PTPRD: variants seen among roughly 807,000 people sequenced by gnomAD.
The protein encoded by PTPRD is protein tyrosine phosphatase receptor type D, also known as receptor-type tyrosine-protein phosphatase delta.
Under a neutral mutation model 214.5 loss-of-function variants are expected in PTPRD, and 34 were observed. The ratio of observed to expected loss-of-function variants is 0.16; its 90% CI spans 0.12 to 0.21. The LOEUF (loss-of-function observed/expected upper bound fraction) is 0.21. PTPRD is among the 10% of genes least tolerant of loss of function. The pLI, the probability that PTPRD is intolerant of heterozygous loss-of-function variation, is 1.00. For synonymous variants in PTPRD, 1,128 were observed against 845.7 expected (o/e 1.33, Z -5.79); for missense variants, 2,545 against 2,398.7 (o/e 1.06, Z -1.27).
intron 14 of PTPRD, among the ~76,000 whole-genome samples, chr9:8,558,972 T>C (rs942176495): frequency 6.6e-6 from 1 of 152,202 alleles, no homozygotes; most frequent in African/African-American, 2.4e-5. Flanking sequence ...AATAATAATA[T>C]TCACAAGAAG....
chr9:8,905,121 T>C (rs2098698614), intron 11 of PTPRD, among the ~76,000 whole-genome samples: 2 of 152,196 alleles, frequency 1.3e-5, no homozygotes, highest in African/African-American at 4.8e-5. Context: ...CAGTCATCTC[T>C]GATTGGGTGG....
intron 6 of PTPRD, among the ~76,000 whole-genome samples, chr9:9,744,119 T>C (rs2098435596): frequency 2.0e-5 from 3 of 152,154 alleles, no homozygotes. Flanking sequence ...ACCACCATTT[T>C]CGATAGGAAT....
chr9:9,277,166 G>C (rs1234394281), intron 9 of PTPRD, among the ~76,000 whole-genome samples: 1 of 151,194 alleles, frequency 6.6e-6, no homozygotes, highest in Non-Finnish European at 1.5e-5. Context: ...ACAATGCCAG[G>C]CTTAAAATAA....
At chr9:9,372,909 C>G (rs941018096) in intron 9 of PTPRD, among the ~76,000 whole-genome samples, 1 of 152,012 alleles carries the variant, frequency 6.6e-6, no homozygotes, top group Non-Finnish European at 1.5e-5. Flanking sequence ...AGTGGAATCA[C>G]TTGGTCAAAG....
chr9:8,633,407 G>T lies in PTPRD; in HGVS notation c.262C>A (p.Arg88=). 6.2e-7 allele frequency: 1 copy of T among 1,612,650 alleles called. No individual in the cohort carries two copies. The highest frequency in any genetic ancestry group is 8.5e-7 in the Non-Finnish European group (1 of 1,179,082). ...TAAATGGCCTCATCCCTCGGAGTCCGTAAGGGTTGTATTCTGAGAACTGAT... is the reference window on the plus strand; with the variant it reads ...TAAATGGCCTCATCCCTCGGAGTCCTTAAGGGTTGTATTCTGAGAACTGAT... ...SGSVLRIQPL[R]TPRDEAIYEC... Residue 88 remains arginine (R), a synonymous_variant, in exon 14 of 46, where the codon CGG becomes AGG. Coordinates refer to ENST00000381196, the MANE Select transcript of PTPRD (RefSeq NM_002839.4).
intron 8 of PTPRD, among the ~76,000 whole-genome samples, chr9:9,415,466 C>A (rs778635114): frequency 2.0e-5 from 3 of 151,842 alleles, no homozygotes; most frequent in Non-Finnish European, 2.9e-5. Context: ...AGAGCAAGAC[C>A]CTGTCTCAAA....
intron 7 of PTPRD, among the ~76,000 whole-genome samples, chr9:9,733,863 G>C (rs374772167): frequency 4.8e-4 from 73 of 152,122 alleles, no homozygotes; most frequent in African/African-American, 1.7e-3. Context: ...GTGATAGTGA[G>C]CAATATTTCA....
intron 7 of PTPRD, among the ~76,000 whole-genome samples, chr9:9,730,473 G>T (rs6477416): frequency 1.3e-5 from 2 of 152,018 alleles, no homozygotes; most frequent in African/African-American, 4.8e-5. Flanking sequence ...AAATTGGGGC[G>T]TAGGCTGTGG....
rs548309589 is a variant in PTPRD, at chr9:10,208,301, T to C, written c.-545+132662A>G. Among the ~76,000 whole-genome samples, 9 of 152,234 alleles carry C rather than the reference T, an allele frequency of 5.9e-5. No individual in the cohort carries two copies. In the South Asian group the frequency reaches 1.7e-3, roughly 28 times the overall value. On this transcript the variant is annotated intron_variant, in intron 3 of 45. Transcript: ENST00000381196. ...TGGCCGAGGAGGGCGGATCACGAGG[T>C]CAGGAGATCGACGCCATCCTGGCTA...
intron 2 of PTPRD, among the ~76,000 whole-genome samples, chr9:10,568,406 G>A (rs1325190480): frequency 1.3e-5 from 2 of 151,968 alleles, no homozygotes; most frequent in Admixed American, 6.6e-5. Flanking sequence ...TTGCTATTGT[G>A]AATAGTGCCG....
intron 7 of PTPRD, among the ~76,000 whole-genome samples, chr9:9,734,295 A>T (rs1017402822): frequency 3.9e-5 from 6 of 152,112 alleles, no homozygotes; most frequent in Non-Finnish European, 5.9e-5. Flanking sequence ...CTCTGTTTGG[A>T]ATGTTCTTCT....
chr9:8,751,026 T>C (rs916778590), intron 11 of PTPRD, among the ~76,000 whole-genome samples: 3 of 152,216 alleles, frequency 2.0e-5, no homozygotes, highest in Non-Finnish European at 2.9e-5. Flanking sequence ...GTGAAGTCTT[T>C]TGACCCTTTA....
rs149146143 is a variant in PTPRD at position 8,911,738 on chromosome 9, C to A, written c.-104+106959G>T. On this transcript the variant is annotated intron_variant, in intron 11 of 45. Coordinates refer to ENST00000381196, the MANE Select transcript of PTPRD (RefSeq NM_002839.4). ...GGCATTAAGAAAGTGAAAAATGACC[C>A]ACAAATGAAGAAAATATTTGCAAAT... Among the ~76,000 whole-genome samples the A allele has an allele frequency of 8.2e-3, 1,239 of 151,748 alleles. 6 individuals are homozygous for A. Among genetic ancestry groups the A allele is most frequent in the Non-Finnish European group, 0.014 (950 of 67,908 alleles).
At chr9:9,832,476 A>G (rs967270152) in intron 5 of PTPRD, among the ~76,000 whole-genome samples, 2 of 151,996 alleles carry the variant, frequency 1.3e-5, no homozygotes, top group East Asian at 3.9e-4. Context: ...ACAGAACTCT[A>G]ATTATTTTCA....
intron 3 of PTPRD, among the ~76,000 whole-genome samples, chr9:10,144,731 C>T (rs1310719774): frequency 6.6e-6 from 1 of 152,024 alleles, no homozygotes; most frequent in East Asian, 1.9e-4. Context: ...GCTAAGGAGC[C>T]TCTATATGGC....
chr9:9,175,108 C>A (rs1343908072), intron 10 of PTPRD, among the ~76,000 whole-genome samples: 1 of 152,108 alleles, frequency 6.6e-6, no homozygotes, highest in Non-Finnish European at 1.5e-5. Context: ...TGGTCTTAGA[C>A]TTTCAGCCTC....
At chr9:8,712,654 T>G (rs1383705238) in intron 12 of PTPRD, among the ~76,000 whole-genome samples, 1 of 151,774 alleles carries the variant, frequency 6.6e-6, no homozygotes, top group African/African-American at 2.4e-5. Context: ...ATCTCCTACA[T>G]ATTCTACTGT....
intron 7 of PTPRD, among the ~76,000 whole-genome samples, chr9:9,578,111 G>A (rs1442422635): frequency 1.4e-5 from 2 of 145,400 alleles, no homozygotes; most frequent in East Asian, 4.2e-4. Context: ...CTACTTATTT[G>A]AGGAACAACC....
chr9:9,920,266 G>A (rs1267134963), intron 5 of PTPRD, among the ~76,000 whole-genome samples: 1 of 152,058 alleles, frequency 6.6e-6, no homozygotes. Context: ...TTTGCACACT[G>A]CTTTTCAATA....
Sources: gnomAD v4.1 joint callset for allele counts (sites outside exome capture counted in the v4.1 genomes callset) on GRCh38, gnomAD v4.1.1 for gene constraint, MANE v1.5 for transcripts, NCBI Gene and HGNC (gene_info 2026-07-23, HGNC 2026-07-21) for gene names.